Variants in RAD21 observed in about 807,000 individuals in gnomAD.
RAD21 encodes the protein double-strand-break repair protein rad21 homolog.
RAD21 carries 18 observed loss-of-function variants against 71.5 expected under a neutral mutation model. That is an observed-to-expected ratio of 0.25 (90% CI 0.17 to 0.37). The LOEUF is 0.37. Ranked by LOEUF, RAD21 falls within the 10% of genes least tolerant of loss-of-function variation. RAD21 has a pLI of 1.00. For synonymous variants in RAD21, 248 were observed against 254.0 expected (o/e 0.98, Z 0.22); for missense variants, 493 against 769.1 (o/e 0.64, Z 4.25).
In RAD21 at chr8:116,852,472, C is replaced by T. The variant is rs191522099; in HGVS notation, c.1321+77G>A. On this transcript the variant is annotated intron_variant, in intron 10 of 13. Coordinates refer to ENST00000297338, the MANE Select transcript of RAD21 (RefSeq NM_006265.3). ...TATCTTTGATTCCTCATTTCTTTCACTCTGACAGTATAAAGGTAAATTTTA... is the reference window on the plus strand; with the variant it reads ...TATCTTTGATTCCTCATTTCTTTCATTCTGACAGTATAAAGGTAAATTTTA... 2.4e-4 allele frequency: 330 copies of T among 1,387,082 alleles called. 2 individuals carry two copies. The East Asian group carries it at 6.4e-3, about 27-fold the overall frequency. 85.9% of individuals were successfully genotyped at this position (1,387,082 alleles called of 1,614,324 possible).
In RAD21 at chr8:116,860,625, T is replaced by A. The variant is rs115336366; in HGVS notation, c.374+1216A>T. ...TTTTTAAGATAAGCTCACTGCTTTT[T>A]TAAACATAATGCTATTACTGCACAC... On this transcript the variant is annotated intron_variant, in intron 4 of 13. Coordinates refer to ENST00000297338, the MANE Select transcript of RAD21 (RefSeq NM_006265.3). Among the ~76,000 whole-genome samples, 847 of 151,740 alleles carry A rather than the reference T, an allele frequency of 5.6e-3. 8 individuals are homozygous for A. The highest frequency in any genetic ancestry group is 0.019 in the African/African-American group (797 of 41,094).
chr8:116,847,759 T>TA, intron 13 of RAD21, 68 bp from the exon 14 acceptor site: 1 of 1,379,010 alleles, frequency 7.3e-7, no homozygotes, highest in Non-Finnish European at 9.9e-7. Context: ...AGGATGCTGA[T>TA]ACAGTTTGAA....
chr8:116,852,725 A>ATCAACAAATG lies in RAD21; in HGVS notation c.1162-18_1162-17insCATTTGTTGA. ...TGTAAAGAGCTATTAAAAAAAAAAA[A>ATCAACAAATG]AAGAAAAATTTCAATTATAAAATAA... is the stretch of plus-strand genomic sequence containing the variant. On this transcript the variant is annotated splice_polypyrimidine_tract_variant and intron_variant, in intron 9 of 13. Coordinates refer to ENST00000297338, the MANE Select transcript of RAD21 (RefSeq NM_006265.3). The ATCAACAAATG allele has an allele frequency of 6.8e-7, 1 of 1,473,460 alleles. No individual in the cohort carries two copies. Among genetic ancestry groups the ATCAACAAATG allele is most frequent in the Non-Finnish European group, 9.0e-7 (1 of 1,112,370 alleles). 91.3% of individuals were successfully genotyped at this position (1,473,460 alleles called of 1,614,324 possible). A position where few individuals can be genotyped will look rare whatever the true frequency, so the allele number is the denominator to read the frequency against.
intron 9 of RAD21, among the ~76,000 whole-genome samples, chr8:116,853,131 T>G (rs1207532891): frequency 1.3e-5 from 2 of 152,146 alleles, no homozygotes; most frequent in African/African-American, 2.4e-5. Context: ...CAGGCTGGAG[T>G]GCAGTGGCAC....
rs367594236 is a variant in RAD21, at chr8:116,866,574, C to T, written c.144+12G>A. The T allele has an allele frequency of 2.5e-6, 4 of 1,588,914 alleles. No homozygotes were observed. The African/African-American group carries it at 4.1e-5, about 16-fold the overall frequency. Reference sequence around the variant, plus strand: ...TCAACAAAGTGAATAAAAATGTCAACATCAAACATACCTTTGGTGAGATGA... The same window carrying T: ...TCAACAAAGTGAATAAAAATGTCAATATCAAACATACCTTTGGTGAGATGA... On this transcript the variant is annotated intron_variant, in intron 2 of 13. Coordinates refer to ENST00000297338, the MANE Select transcript of RAD21 (RefSeq NM_006265.3).
intron 4 of RAD21, 122 bp from the exon 5 acceptor site, chr8:116,858,580 C>T (rs1168614991): frequency 9.4e-6 from 6 of 639,720 alleles, no homozygotes; most frequent in Non-Finnish European, 1.6e-5. Flanking sequence ...TTTTAGAAGC[C>T]TTAATATTTA....
rs2130462850 is a variant in RAD21, at chr8:116,854,280, G to A, written c.1126C>T (p.Pro376Ser). The change falls in exon 9 of 14, where the codon CCT becomes TCT. Residue 376 changes from proline (P) to serine (S), a missense_variant. By Grantham distance (74) the Pro-to-Ser change is moderately conservative. Transcript: ENST00000297338. ...TGGVEKLFSL[P>S]AQPLWNNRLL... ...CTGTTATTCCACAAAGGCTGAGCAG[G>A]TAAAGAAAACAGTTTTTCTACTCCT... is the stretch of plus-strand genomic sequence containing the variant. 1 of 1,613,386 alleles carries A rather than the reference G, an allele frequency of 6.2e-7. No homozygotes were observed. Among genetic ancestry groups the A allele is most frequent in the Non-Finnish European group, 8.5e-7 (1 of 1,179,810 alleles).
At chr8:116,874,036 A>T (rs1812905495) in intron 1 of RAD21, 1 of 152,288 alleles carries the variant, frequency 6.6e-6, no homozygotes, top group Non-Finnish European at 1.5e-5. Flanking sequence ...GGGCAGCAGC[A>T]GTCACTGGCC....
intron 3 of RAD21, among the ~76,000 whole-genome samples, chr8:116,862,706 C>A (rs1427351605): frequency 6.6e-6 from 1 of 151,978 alleles, no homozygotes; most frequent in African/African-American, 2.4e-5. Context: ...CCAATCATTA[C>A]CTAAAACAAA....
At chr8:116,874,068 CGCCCCACCCCGCCCA>C (rs1033232251) in intron 1 of RAD21, 4 of 150,788 alleles carry the variant, frequency 2.7e-5, no homozygotes, top group South Asian at 2.1e-4. Context: ...GCCGACCCCC[CGCCCCACCCCGCCCA>C]GCCCCACCAG....
At chr8:116,868,809 A>AT (rs35540220) in intron 1 of RAD21, among the ~76,000 whole-genome samples, 2,945 of 144,620 alleles carry the variant, frequency 0.02, 82 homozygotes, top group African/African-American at 0.063. Flanking sequence ...AGTTCAACTA[A>AT]TTTTTTTTTT....
At chr8:116,848,838 T>C (rs751184905) in intron 13 of RAD21, 108 bp downstream of exon 13, 47 of 729,944 alleles carry the variant, frequency 6.4e-5, no homozygotes, top group Admixed American at 9.1e-5. Context: ...TGGAAAAAGT[T>C]TGACAAAGGT....
chr8:116,848,846 G>T, intron 13 of RAD21, 100 bp downstream of exon 13: 1 of 818,392 alleles, frequency 1.2e-6, no homozygotes, highest in Non-Finnish European at 1.9e-6. Flanking sequence ...GTTTGACAAA[G>T]GTATGCTTTC....
rs1280702667 is a variant in RAD21 at position 116,858,451 on chromosome 8, C to T, written c.382G>A (p.Asp128Asn). The T allele has an allele frequency of 1.2e-6, 2 of 1,610,106 alleles. No individual in the cohort carries two copies. The highest frequency in any genetic ancestry group is 2.2e-5 in the East Asian group (1 of 44,798). Residue 128 changes from aspartate to asparagine, a missense_variant, in exon 5 of 14, where the codon GAT becomes AAT. Asp to Asn is a conservative substitution (Grantham distance 23). This residue lies in a region of RAD21 where 165 missense variants were observed against 229.6 expected (regional missense o/e 0.72). Transcript: ENST00000297338. ...TTCAAGCTGAACTGCTGGGCCACAT[C>T]GATGTCACTTTAAAAGAAGGTCAAA... ...DQPLPDLDDIDVAQQFSLNQS... is the reference protein window; with the variant it reads ...DQPLPDLDDINVAQQFSLNQS...
At chr8:116,864,520 C>CCAAATTGGTGAT (rs11273338) in intron 2 of RAD21, among the ~76,000 whole-genome samples, 6 of 77,990 alleles carry the variant, frequency 7.7e-5, no homozygotes, top group African/African-American at 2.4e-4. Flanking sequence ...CAAAATTATA[C>CCAAATTGGTGAT]CAAATTTGTG....
At chr8:116,864,905 G>A (rs889798067) in intron 2 of RAD21, among the ~76,000 whole-genome samples, 1 of 152,100 alleles carries the variant, frequency 6.6e-6, no homozygotes, top group African/African-American at 2.4e-5. Flanking sequence ...TGCAAATAGG[G>A]CCAGTGGTTC....
intron 1 of RAD21, among the ~76,000 whole-genome samples, chr8:116,869,115 A>C (rs1326866923): frequency 2.0e-5 from 3 of 152,234 alleles, no homozygotes; most frequent in African/African-American, 7.2e-5. Context: ...GTTCTTGCTC[A>C]ATAAACTCGC....
intron 8 of RAD21, among the ~76,000 whole-genome samples, chr8:116,855,841 T>A (rs1448559399): frequency 6.6e-6 from 1 of 152,240 alleles, no homozygotes; most frequent in Non-Finnish European, 1.5e-5. Flanking sequence ...GCTAACTTTC[T>A]GGGAACCCCA....
At chr8:116,849,761 C>T (rs144619137) in intron 12 of RAD21, among the ~76,000 whole-genome samples, 18 of 152,260 alleles carry the variant, frequency 1.2e-4, no homozygotes, top group African/African-American at 4.3e-4. Flanking sequence ...CACATCCTCA[C>T]ACATAGGTAG....
Sources: allele counts gnomAD v4.1 joint callset (sites outside exome capture counted in the v4.1 genomes callset), GRCh38; gene constraint gnomAD v4.1.1; regional missense constraint gnomAD v4.1.1; transcripts MANE v1.5; gene names NCBI Gene and HGNC (gene_info 2026-07-23, HGNC 2026-07-21).